ASIC2: variants seen among roughly 807,000 people sequenced by gnomAD.
The protein encoded by ASIC2 is acid-sensing ion channel 2.
A neutral mutation model predicts 57.3 loss-of-function variants in ASIC2; 25 were observed. The observed-to-expected ratio is 0.44, with a 90% CI of 0.32 to 0.61. The LOEUF (loss-of-function observed/expected upper bound fraction) is 0.61, where lower values mean the gene tolerates loss of function less well. ASIC2 is among the 20% of genes least tolerant of loss of function. The pLI is 0.06. For missense variants in ASIC2, 641 were observed against 738.1 expected, an observed-to-expected ratio of 0.87 and a Z score of 1.52; for synonymous variants, 319 against 307.5, an observed-to-expected ratio of 1.04 and a Z score of -0.39.
chr17:33,861,150 T>C (rs576958685), intron 1 of ASIC2, among the ~76,000 whole-genome samples: 2 of 152,328 alleles, frequency 1.3e-5, no homozygotes, highest in Admixed American at 1.3e-4. Flanking sequence ...TTTCTTACAT[T>C]AGTCTTATTA....
intron 1 of ASIC2, chr17:34,082,037 T>C (rs1163409226): frequency 1.3e-5 from 2 of 152,228 alleles, no homozygotes; most frequent in African/African-American, 4.8e-5. Flanking sequence ...TCATGTCTGC[T>C]CCTGGTCCTT....
intron 1 of ASIC2, among the ~76,000 whole-genome samples, chr17:33,277,806 A>C (rs1904766562): frequency 1.3e-5 from 2 of 152,178 alleles, no homozygotes; most frequent in African/African-American, 4.8e-5. Context: ...TTTGAAGGAA[A>C]GTTCGGCCTA....
chr17:33,133,721 G>A (rs114243579), intron 1 of ASIC2, among the ~76,000 whole-genome samples: 3,456 of 152,266 alleles, frequency 0.023, 139 homozygotes, highest in African/African-American at 0.08. Flanking sequence ...GATCTCCCGG[G>A]TGAGGCATTG....
chr17:33,797,327 G>C (rs1302801683), intron 1 of ASIC2, among the ~76,000 whole-genome samples: 1 of 152,162 alleles, frequency 6.6e-6, no homozygotes, highest in Admixed American at 6.6e-5. Context: ...TGAGATGTCA[G>C]GGAAACGTCT....
intron 1 of ASIC2, among the ~76,000 whole-genome samples, chr17:33,688,281 C>T (rs1251220136): frequency 6.6e-6 from 1 of 152,142 alleles, no homozygotes; most frequent in Non-Finnish European, 1.5e-5. Flanking sequence ...CTTAATGGGG[C>T]AACTGTTCTT....
intron 1 of ASIC2, among the ~76,000 whole-genome samples, chr17:33,351,712 A>C (rs1438336636): frequency 6.6e-6 from 1 of 152,202 alleles, no homozygotes; most frequent in Non-Finnish European, 1.5e-5. Flanking sequence ...GTCTCACAGA[A>C]AATTTTCAGG....
chr17:33,229,951 G>T (rs969283817), intron 1 of ASIC2, among the ~76,000 whole-genome samples: 1 of 152,202 alleles, frequency 6.6e-6, no homozygotes, highest in South Asian at 2.1e-4. Flanking sequence ...TAACCTTGAA[G>T]GTCCTTTCCA....
intron 1 of ASIC2, among the ~76,000 whole-genome samples, chr17:33,665,594 T>A (rs111560236): frequency 1.3e-4 from 20 of 152,336 alleles, no homozygotes; most frequent in African/African-American, 4.8e-4. Flanking sequence ...GATTCAGACA[T>A]TGCAGTTAGA....
At chr17:33,479,580 G>C (rs1478068464) in intron 1 of ASIC2, among the ~76,000 whole-genome samples, 1 of 152,202 alleles carries the variant, frequency 6.6e-6, no homozygotes, top group Non-Finnish European at 1.5e-5. Context: ...CTGGATGGGG[G>C]TGTTTCTTCA....
chr17:33,808,250 A>C (rs116105842), intron 1 of ASIC2, among the ~76,000 whole-genome samples: 1 of 152,266 alleles, frequency 6.6e-6, no homozygotes, highest in African/African-American at 2.4e-5. Context: ...TTTGCATGCG[A>C]ATGCTGTCCC....
chr17:33,304,785 A>G (rs535949325), intron 1 of ASIC2, among the ~76,000 whole-genome samples: 4 of 152,178 alleles, frequency 2.6e-5, no homozygotes, highest in East Asian at 3.9e-4. Context: ...ACTGTCCCCA[A>G]TCAGGTGGTG....
intron 3 of ASIC2, among the ~76,000 whole-genome samples, chr17:33,083,254 T>G (rs7222081): frequency 6.6e-6 from 1 of 152,030 alleles, no homozygotes; most frequent in Admixed American, 6.5e-5. Flanking sequence ...CAGAGGGCTC[T>G]GAGACTATAA....
intron 1 of ASIC2, among the ~76,000 whole-genome samples, chr17:33,338,797 A>G (rs1907622113): frequency 6.6e-6 from 1 of 152,206 alleles, no homozygotes; most frequent in African/African-American, 2.4e-5. Flanking sequence ...GATGAACCTT[A>G]AGAACACTAT....
chr17:33,446,816 G>A (rs769192919), intron 1 of ASIC2, among the ~76,000 whole-genome samples: 1 of 152,188 alleles, frequency 6.6e-6, no homozygotes, highest in African/African-American at 2.4e-5. Context: ...CAGTAGACCT[G>A]TGTCAATTCT....
chr17:33,041,172 G>T (rs971025487), intron 3 of ASIC2, among the ~76,000 whole-genome samples: 1 of 152,094 alleles, frequency 6.6e-6, no homozygotes, highest in African/African-American at 2.4e-5. Context: ...GTGTGGTCTT[G>T]GTCAAGTTAC....
intron 1 of ASIC2, among the ~76,000 whole-genome samples, chr17:33,269,653 T>G: frequency 1.2e-5 from 1 of 81,990 alleles, no homozygotes; most frequent in African/African-American, 4.3e-5. Context: ...CTTCCTTCCT[T>G]CCTTCCTTCC....
chr17:33,774,135 T>G (rs947511416), intron 1 of ASIC2, among the ~76,000 whole-genome samples: 1 of 152,212 alleles, frequency 6.6e-6, no homozygotes, highest in Admixed American at 6.5e-5. Flanking sequence ...GCTCCCAAGC[T>G]CATATTTCTT....
intron 1 of ASIC2, among the ~76,000 whole-genome samples, chr17:33,761,487 G>A (rs1160875218): frequency 6.6e-6 from 1 of 152,140 alleles, no homozygotes; most frequent in African/African-American, 2.4e-5. Flanking sequence ...CCACTCCAAA[G>A]GATCTTGCTG....
At chr17:33,842,104 G>A (rs139850887) in intron 1 of ASIC2, among the ~76,000 whole-genome samples, 1,912 of 152,250 alleles carry the variant, frequency 0.013, 40 homozygotes, top group African/African-American at 0.044. Context: ...CGACATAACC[G>A]CATGGCCCAG....
Sources: gnomAD v4.1 joint callset for allele counts (sites outside exome capture counted in the v4.1 genomes callset) on GRCh38, gnomAD v4.1.1 for gene constraint, MANE v1.5 for transcripts, NCBI Gene and HGNC (gene_info 2026-07-23, HGNC 2026-07-21) for gene names.